KCNH7: variants seen among roughly 807,000 people sequenced by gnomAD.
KCNH7 encodes the protein voltage-gated inwardly rectifying potassium channel KCNH7.
A neutral mutation model predicts 120.8 loss-of-function variants in KCNH7; 49 were observed. The observed-to-expected ratio is 0.41, with a 90% CI of 0.32 to 0.51. The LOEUF is 0.51. KCNH7 is among the 20% of genes least tolerant of loss of function. The pLI is 0.38. For missense variants in KCNH7, 1,097 were observed against 1,446.6 expected (o/e 0.76, Z 3.92); for synonymous variants, 547 against 516.1 (o/e 1.06, Z -0.81).
chr2:162,578,743 G>A (rs1445818138), intron 2 of KCNH7, among the ~76,000 whole-genome samples: 1 of 152,010 alleles, frequency 6.6e-6, no homozygotes, highest in Non-Finnish European at 1.5e-5. Context: ...AAATGCAAAG[G>A]AGAAAAGTAA....
chr2:162,578,586 G>A (rs531689483), intron 2 of KCNH7, among the ~76,000 whole-genome samples: 1 of 152,114 alleles, frequency 6.6e-6, no homozygotes, highest in East Asian at 2.0e-4. Context: ...CAGGGCTGAA[G>A]CTTAGATGAC....
chr2:162,493,149 C>T (rs1690380220), intron 6 of KCNH7, among the ~76,000 whole-genome samples: 1 of 152,080 alleles, frequency 6.6e-6, no homozygotes, highest in Non-Finnish European at 1.5e-5. Flanking sequence ...GCCTGGGAAA[C>T]TACATGTTTC....
intron 2 of KCNH7, among the ~76,000 whole-genome samples, chr2:162,591,764 G>A (rs1694223549): frequency 6.6e-6 from 1 of 151,976 alleles, no homozygotes; most frequent in Non-Finnish European, 1.5e-5. Flanking sequence ...TCTTATTTTA[G>A]AAGTAGCAAA....
intron 2 of KCNH7, among the ~76,000 whole-genome samples, chr2:162,665,427 C>A (rs552097586): frequency 1.3e-5 from 2 of 151,984 alleles, no homozygotes; most frequent in African/African-American, 4.8e-5. Context: ...TCTAAGAACA[C>A]AAGATTTTAA....
chr2:162,454,903 T>A (rs1688905718), intron 6 of KCNH7, among the ~76,000 whole-genome samples: 2 of 152,098 alleles, frequency 1.3e-5, no homozygotes, highest in Non-Finnish European at 2.9e-5. Flanking sequence ...TCTGACTTCC[T>A]CTATTCCTAT....
intron 2 of KCNH7, among the ~76,000 whole-genome samples, chr2:162,718,216 T>G (rs1356891946): frequency 6.6e-6 from 1 of 151,904 alleles, no homozygotes; most frequent in African/African-American, 2.4e-5. Flanking sequence ...TCAGATGAGA[T>G]TGGATGCGTT....
At chr2:162,393,769 C>G (rs575649582) in intron 12 of KCNH7, among the ~76,000 whole-genome samples, 117 of 152,010 alleles carry the variant, frequency 7.7e-4, no homozygotes, top group Admixed American at 1.9e-3. Flanking sequence ...TGAGGAATAC[C>G]TATTCCTGTT....
chr2:162,825,915 T>C (rs1321207988), intron 2 of KCNH7, among the ~76,000 whole-genome samples: 2 of 152,134 alleles, frequency 1.3e-5, no homozygotes, highest in Non-Finnish European at 2.9e-5. Context: ...AAGCCATCAT[T>C]GTAACAGTGG....
At chr2:162,396,984 T>A (rs1332936581) in intron 10 of KCNH7, 39 bp from the exon 11 acceptor site, 8 of 1,378,364 alleles carry the variant, frequency 5.8e-6, no homozygotes, top group Non-Finnish European at 8.2e-6. Context: ...GGAAAGGGAA[T>A]CCAAACTCAA....
At chr2:162,650,849 G>A (rs1684540894) in intron 2 of KCNH7, among the ~76,000 whole-genome samples, 1 of 152,150 alleles carries the variant, frequency 6.6e-6, no homozygotes, top group Non-Finnish European at 1.5e-5. Context: ...AAGTGACTGA[G>A]TAAATAAACA....
intron 2 of KCNH7, among the ~76,000 whole-genome samples, chr2:162,597,806 C>T (rs1694427858): frequency 1.3e-5 from 2 of 151,776 alleles, no homozygotes; most frequent in African/African-American, 4.8e-5. Flanking sequence ...TCATTGTATC[C>T]CATAAGTATA....
At chr2:162,424,453 G>C (rs1687796950) in intron 8 of KCNH7, among the ~76,000 whole-genome samples, 1 of 152,104 alleles carries the variant, frequency 6.6e-6, no homozygotes. Context: ...TATATATTCT[G>C]AATATTGATC....
intron 2 of KCNH7, among the ~76,000 whole-genome samples, chr2:162,759,358 T>G (rs948460092): frequency 6.6e-6 from 1 of 152,034 alleles, no homozygotes; most frequent in Non-Finnish European, 1.5e-5. Context: ...CATTGGAGTC[T>G]GGGGAGAATA....
At chr2:162,761,471 C>G (rs1688963785) in intron 2 of KCNH7, among the ~76,000 whole-genome samples, 1 of 152,054 alleles carries the variant, frequency 6.6e-6, no homozygotes, top group South Asian at 2.1e-4. Flanking sequence ...TGTCTGGTGA[C>G]AGCACTAAGA....
intron 6 of KCNH7, among the ~76,000 whole-genome samples, chr2:162,474,155 T>C (rs1403730242): frequency 6.6e-6 from 1 of 152,194 alleles, no homozygotes; most frequent in Non-Finnish European, 1.5e-5. Context: ...AATGAAGAAA[T>C]TAAAGTCCCA....
rs934912172 is a variant in KCNH7 at position 162,572,758 on chromosome 2, G to A, written c.308-35678C>T. On this transcript the variant is annotated intron_variant, in intron 2 of 15. Transcript: ENST00000332142. ...TCACGTCCTTTGTAGGGACATGGATGAAATTGGAAATCATCATTCTCAGTA... is the reference window on the plus strand; with the variant it reads ...TCACGTCCTTTGTAGGGACATGGATAAAATTGGAAATCATCATTCTCAGTA... Among the ~76,000 whole-genome samples, 92 of 143,840 alleles carry A rather than the reference G, an allele frequency of 6.4e-4. 1 individual carries two copies. Among genetic ancestry groups the A allele is most frequent in the Non-Finnish European group, 1.1e-3 (74 of 66,590 alleles). The allele number at this position is 143,840 out of a possible 152,430, so 94.4% of individuals were successfully genotyped here. A position where few individuals can be genotyped will look rare whatever the true frequency, so the allele number is the denominator to read the frequency against.
intron 12 of KCNH7, among the ~76,000 whole-genome samples, chr2:162,390,871 A>G (rs760572756): frequency 3.3e-5 from 5 of 152,002 alleles, no homozygotes; most frequent in Non-Finnish European, 5.9e-5. Flanking sequence ...ATATAAGTAT[A>G]TATTTTGTTT....
intron 2 of KCNH7, among the ~76,000 whole-genome samples, chr2:162,768,106 G>A (rs985733551): frequency 6.6e-6 from 1 of 152,154 alleles, no homozygotes; most frequent in African/African-American, 2.4e-5. Flanking sequence ...TTAGTAGATA[G>A]TATCTACAAC....
At chr2:162,584,983 G>A (rs553607496) in intron 2 of KCNH7, among the ~76,000 whole-genome samples, 5 of 150,046 alleles carry the variant, frequency 3.3e-5, no homozygotes, top group African/African-American at 1.2e-4. Context: ...GAATATGGGT[G>A]TTTATGAAAA....
Sources: gnomAD v4.1 joint callset for allele counts (sites outside exome capture counted in the v4.1 genomes callset) on GRCh38, gnomAD v4.1.1 for gene constraint, MANE v1.5 for transcripts, NCBI Gene and HGNC (gene_info 2026-07-23, HGNC 2026-07-21) for gene names.